The following RSRC1 variants were observed in gnomAD, a reference collection of about 807,000 sequenced individuals.
RSRC1 encodes arginine and serine rich coiled-coil 1.
A neutral mutation model predicts 49.1 loss-of-function variants in RSRC1; 39 were observed. The observed-to-expected ratio is 0.79, with a 90% CI of 0.61 to 1.04. The LOEUF (loss-of-function observed/expected upper bound fraction) is 1.04. RSRC1 is among the 50% of genes least tolerant of loss of function. The pLI is 0.00. For missense variants in RSRC1, 388 were observed against 402.4 expected, an observed-to-expected ratio of 0.96 and a Z score of 0.31; for synonymous variants, 143 against 130.8, an observed-to-expected ratio of 1.09 and a Z score of -0.63.
intron 6 of RSRC1, among the ~76,000 whole-genome samples, chr3:158,421,019 T>C (rs1735015417): frequency 6.6e-6 from 1 of 151,864 alleles, no homozygotes; most frequent in Admixed American, 6.6e-5. Context: ...CAAATATTCA[T>C]TCGTTTTTTT....
At chr3:158,177,258 G>C (rs1039010443) in intron 3 of RSRC1, among the ~76,000 whole-genome samples, 4 of 152,162 alleles carry the variant, frequency 2.6e-5, no homozygotes, top group Non-Finnish European at 5.9e-5. Context: ...TCTAGAACTA[G>C]AAATACCATT....
At chr3:158,202,934 T>G (rs1254917044) in intron 3 of RSRC1, 138 bp from the exon 4 acceptor site, 4 of 554,238 alleles carry the variant, frequency 7.2e-6, no homozygotes, top group Non-Finnish European at 1.3e-5. Context: ...CATATTCAGG[T>G]GCTTGCTTCA....
At chr3:158,204,497 T>C (rs999786084) in intron 4 of RSRC1, among the ~76,000 whole-genome samples, 6 of 152,282 alleles carry the variant, frequency 3.9e-5, no homozygotes, top group Non-Finnish European at 5.9e-5. Context: ...AGAAGTTAGA[T>C]ACCTGTCTGT....
At chr3:158,290,339 T>G (rs963146630) in intron 4 of RSRC1, among the ~76,000 whole-genome samples, 1 of 150,202 alleles carries the variant, frequency 6.7e-6, no homozygotes, top group Non-Finnish European at 1.5e-5. Flanking sequence ...GTGGCGCGAT[T>G]TCGGCTCACT....
At chr3:158,207,725 G>A (rs1330990858) in intron 4 of RSRC1, among the ~76,000 whole-genome samples, 4 of 151,804 alleles carry the variant, frequency 2.6e-5, no homozygotes, top group South Asian at 2.1e-4. Flanking sequence ...CAAAAAGCAA[G>A]GACAGTAAGT....
intron 6 of RSRC1, among the ~76,000 whole-genome samples, chr3:158,363,052 G>T (rs575821389): frequency 3.9e-5 from 6 of 152,100 alleles, no homozygotes; most frequent in African/African-American, 9.7e-5. Context: ...TTCATTTTCT[G>T]CATAGTATCT....
chr3:158,131,133 AT>A (rs1419399704), intron 3 of RSRC1, among the ~76,000 whole-genome samples: 1 of 151,170 alleles, frequency 6.6e-6, no homozygotes, highest in Non-Finnish European at 1.5e-5. Context: ...GTCTTTAATA[AT>A]TTTTTGTTTA....
chr3:158,359,199 C>T (rs977093841), intron 6 of RSRC1, among the ~76,000 whole-genome samples: 1 of 152,166 alleles, frequency 6.6e-6, no homozygotes, highest in African/African-American at 2.4e-5. Context: ...AAACAGTTCT[C>T]TATTGCCTCA....
At chr3:158,506,990 G>C (rs1739889471) in intron 7 of RSRC1, among the ~76,000 whole-genome samples, 3 of 152,018 alleles carry the variant, frequency 2.0e-5, no homozygotes, top group Non-Finnish European at 4.4e-5. Flanking sequence ...GTCAACCAAA[G>C]TGCCATTAAT....
chr3:158,316,489 G>C (rs1256335005), intron 5 of RSRC1, among the ~76,000 whole-genome samples: 5 of 120,924 alleles, frequency 4.1e-5, no homozygotes, highest in Non-Finnish European at 8.0e-5. Context: ...CTGTCGCCCA[G>C]GCTGGAGTGC....
chr3:158,317,421 G>T (rs1270930113), intron 5 of RSRC1, among the ~76,000 whole-genome samples: 1 of 151,986 alleles, frequency 6.6e-6, no homozygotes, highest in East Asian at 1.9e-4. Context: ...GTAGATTCAG[G>T]GTTTCACCAT....
chr3:158,291,563 G>A (rs1025064411), intron 4 of RSRC1, among the ~76,000 whole-genome samples: 2 of 152,166 alleles, frequency 1.3e-5, no homozygotes, highest in African/African-American at 2.4e-5. Flanking sequence ...TGAGGTGATA[G>A]GGAATGATGA....
rs1434348236 is a variant in RSRC1 at position 158,122,215 on chromosome 3, A to C, written c.111A>C (p.Arg37=). The C allele has an allele frequency of 1.2e-6, 2 of 1,607,904 alleles. No homozygotes were observed. The highest frequency in any genetic ancestry group is 2.2e-5 in the South Asian group (2 of 90,588). ...CTTCAGATAGTAGAACATACAGCCG[A>C]AAGAAAGGAGGAAGGAAATCAAGAT... The part of the protein sequence containing the change: ...SSSSDSRTYS[R]KKGGRKSRSK... The change falls in exon 2 of 10, where the codon CGA becomes CGC. Residue 37 remains arginine (R), a synonymous_variant. Coordinates refer to ENST00000611884, the MANE Select transcript of RSRC1 (RefSeq NM_001271838.2).
At chr3:158,435,165 T>A (rs959808851) in intron 6 of RSRC1, among the ~76,000 whole-genome samples, 1 of 151,908 alleles carries the variant, frequency 6.6e-6, no homozygotes, top group African/African-American at 2.4e-5. Context: ...AAAGCTTCTA[T>A]TTATCTATTT....
At chr3:158,328,956 A>G (rs1729369131) in intron 5 of RSRC1, among the ~76,000 whole-genome samples, 1 of 151,882 alleles carries the variant, frequency 6.6e-6, no homozygotes, top group South Asian at 2.1e-4. Context: ...TTTTTTCTCT[A>G]AGCTTCTCTT....
chr3:158,408,685 C>CT (rs1734274398), intron 6 of RSRC1, among the ~76,000 whole-genome samples: 1 of 152,076 alleles, frequency 6.6e-6, no homozygotes, highest in Admixed American at 6.6e-5. Flanking sequence ...GACCATTATC[C>CT]TTAGCAAACT....
chr3:158,349,983 C>A (rs1168664334), intron 5 of RSRC1, among the ~76,000 whole-genome samples: 1 of 151,568 alleles, frequency 6.6e-6, no homozygotes. Context: ...CAGGCTTGAG[C>A]CACGTGCCCA....
intron 4 of RSRC1, among the ~76,000 whole-genome samples, chr3:158,285,303 C>T (rs375693695): frequency 2.0e-5 from 3 of 152,134 alleles, no homozygotes; most frequent in East Asian, 1.9e-4. Context: ...GTAGCCTTGT[C>T]GTATAGTTTG....
intron 7 of RSRC1, among the ~76,000 whole-genome samples, chr3:158,515,488 C>G (rs535754242): frequency 7.3e-6 from 1 of 137,426 alleles, no homozygotes; most frequent in South Asian, 2.6e-4. Flanking sequence ...TGATGGGCTT[C>G]CCTTTGAGGG....
Sources: allele counts gnomAD v4.1 joint callset (sites outside exome capture counted in the v4.1 genomes callset), GRCh38; gene constraint gnomAD v4.1.1; transcripts MANE v1.5; gene names NCBI Gene and HGNC (gene_info 2026-07-23, HGNC 2026-07-21).